The following SLC4A10 variants were observed in gnomAD, a reference collection of about 807,000 sequenced individuals.
SLC4A10 encodes the protein sodium-driven chloride bicarbonate exchanger.
SLC4A10 carries 42 observed loss-of-function variants against 137.7 expected under a neutral mutation model. The observed-to-expected ratio is 0.30, with a 90% CI of 0.24 to 0.39. The LOEUF is 0.39. SLC4A10 is among the 10% of genes least tolerant of loss of function. The probability of loss-of-function intolerance (pLI) is 1.00; values close to 1 mark genes in which losing one functional copy is unlikely to be tolerated. For missense variants in SLC4A10, 925 were observed against 1,355.0 expected, an observed-to-expected ratio of 0.68 and a Z score of 4.98; for synonymous variants, 474 against 464.1, an observed-to-expected ratio of 1.02 and a Z score of -0.27.
At chr2:161,882,489 A>G in intron 10 of SLC4A10, 45 bp downstream of exon 10, 1 of 1,340,094 alleles carries the variant, frequency 7.5e-7, no homozygotes, top group Non-Finnish European at 1.0e-6. Flanking sequence ...CATTAGGTAT[A>G]CCTAAAACTT....
intron 3 of SLC4A10, among the ~76,000 whole-genome samples, chr2:161,808,003 T>G (rs1233358898): frequency 6.6e-6 from 1 of 152,108 alleles, no homozygotes; most frequent in Non-Finnish European, 1.5e-5. Flanking sequence ...CTATTGTTGC[T>G]CTACAGTTAA....
At chr2:161,804,333 C>A in intron 2 of SLC4A10, 116 bp from the exon 3 acceptor site, 2 of 1,151,394 alleles carry the variant, frequency 1.7e-6, no homozygotes, top group Non-Finnish European at 2.4e-6. Flanking sequence ...GTATCATAAA[C>A]ATCAAAAATG....
At chr2:161,904,286 G>A (rs981055602) in intron 13 of SLC4A10, 108 bp downstream of exon 13, 2 of 1,211,152 alleles carry the variant, frequency 1.7e-6, no homozygotes, top group Admixed American at 2.5e-5. Flanking sequence ...AGAGATTTGA[G>A]ATATGGTCTG....
chr2:161,763,762 G>A (rs2050508363), intron 1 of SLC4A10, among the ~76,000 whole-genome samples: 2 of 152,150 alleles, frequency 1.3e-5, no homozygotes, highest in African/African-American at 4.8e-5. Context: ...AAAGAATCTG[G>A]TGATGTAGTT....
chr2:161,635,848 T>G (rs1264350301), intron 1 of SLC4A10, among the ~76,000 whole-genome samples: 1 of 152,138 alleles, frequency 6.6e-6, no homozygotes, highest in Non-Finnish European at 1.5e-5. Context: ...TTTTCTCCCT[T>G]GAAAATTGAT....
chr2:161,975,424 A>T (rs964504070), intron 24 of SLC4A10, among the ~76,000 whole-genome samples: 3 of 152,194 alleles, frequency 2.0e-5, no homozygotes, highest in African/African-American at 4.8e-5. Context: ...ACTGCATTTT[A>T]AAAAATTGTA....
At chr2:161,855,228 T>G in intron 5 of SLC4A10, 98 bp downstream of exon 5, 1 of 1,135,490 alleles carries the variant, frequency 8.8e-7, no homozygotes, top group Non-Finnish European at 1.2e-6. Flanking sequence ...TTTGGAAAAC[T>G]AATTCTCATA....
chr2:161,647,002 A>G (rs2036148214), intron 1 of SLC4A10, among the ~76,000 whole-genome samples: 1 of 152,038 alleles, frequency 6.6e-6, no homozygotes, highest in African/African-American at 2.4e-5. Context: ...CTATTCTTGT[A>G]GCAGTGGCAT....
intron 10 of SLC4A10, among the ~76,000 whole-genome samples, chr2:161,886,698 A>G (rs529902657): frequency 1.4e-4 from 22 of 152,214 alleles, no homozygotes; most frequent in African/African-American, 5.1e-4. Flanking sequence ...TTTATTTTTT[A>G]TACAATTTCT....
intron 1 of SLC4A10, among the ~76,000 whole-genome samples, chr2:161,683,436 A>T (rs2041075704): frequency 6.6e-6 from 1 of 152,154 alleles, no homozygotes. Context: ...AGCCAGCCAA[A>T]GGGACAGCTT....
intron 1 of SLC4A10, among the ~76,000 whole-genome samples, chr2:161,631,935 C>A (rs574638321): frequency 6.6e-6 from 1 of 151,660 alleles, no homozygotes; most frequent in Non-Finnish European, 1.5e-5. Context: ...AGTCCCTGTA[C>A]CAACATCAGC....
At chr2:161,897,205 GC>G (rs2063593873) in intron 11 of SLC4A10, among the ~76,000 whole-genome samples, 1 of 141,344 alleles carries the variant, frequency 7.1e-6, no homozygotes, top group Non-Finnish European at 1.6e-5. Context: ...GAAATATAAA[GC>G]ATTGCTATTT....
chr2:161,789,651 C>T (rs2054002941), intron 2 of SLC4A10, among the ~76,000 whole-genome samples: 1 of 152,096 alleles, frequency 6.6e-6, no homozygotes, highest in South Asian at 2.1e-4. Flanking sequence ...ATTTTATATG[C>T]GATCCATCAT....
chr2:161,762,868 T>C (rs922818829), intron 1 of SLC4A10, among the ~76,000 whole-genome samples: 1 of 152,064 alleles, frequency 6.6e-6, no homozygotes, highest in Non-Finnish European at 1.5e-5. Flanking sequence ...CTTAAAAAAC[T>C]AGCTCTTAGG....
chr2:161,882,341 T>A lies in SLC4A10; in HGVS notation c.1107-16T>A. The A allele has an allele frequency of 6.8e-7, 1 of 1,475,784 alleles. No homozygotes were observed. Among genetic ancestry groups the A allele is most frequent in the Non-Finnish European group, 9.2e-7 (1 of 1,090,662 alleles). The allele number at this position is 1,475,784 out of a possible 1,614,324, so 91.4% of individuals were successfully genotyped here. On this transcript the variant is annotated splice_polypyrimidine_tract_variant and intron_variant, in intron 9 of 26. Coordinates refer to ENST00000446997, the MANE Select transcript of SLC4A10 (RefSeq NM_001178015.2). ...ATATTTCTACCTTAAAACATTTTTT[T>A]TCTTCTTAATTACAGATTTTTGTTC...
At chr2:161,680,501 T>C (rs949935669) in intron 1 of SLC4A10, among the ~76,000 whole-genome samples, 10 of 151,976 alleles carry the variant, frequency 6.6e-5, no homozygotes, top group Non-Finnish European at 8.8e-5. Flanking sequence ...CTAGTTTATG[T>C]CAAAGAATAT....
At chr2:161,956,920 C>T (rs1159172864) in intron 19 of SLC4A10, 69 bp from the exon 20 acceptor site, 29 of 1,463,326 alleles carry the variant, frequency 2.0e-5, no homozygotes, top group East Asian at 9.9e-5. Context: ...GGTTTCTATT[C>T]GCAATCAGGC....
At chr2:161,738,891 A>G (rs1258011331) in intron 1 of SLC4A10, among the ~76,000 whole-genome samples, 1 of 152,198 alleles carries the variant, frequency 6.6e-6, no homozygotes, top group African/African-American at 2.4e-5. Context: ...ATGTAAGTGC[A>G]GAACTATTGG....
At chr2:161,652,972 G>T in intron 1 of SLC4A10, among the ~76,000 whole-genome samples, 1 of 151,992 alleles carries the variant, frequency 6.6e-6, no homozygotes, top group African/African-American at 2.4e-5. Flanking sequence ...ATCTACATTA[G>T]GTATTTCTCC....
Sources: allele counts gnomAD v4.1 joint callset (sites outside exome capture counted in the v4.1 genomes callset), GRCh38; gene constraint gnomAD v4.1.1; transcripts MANE v1.5; gene names NCBI Gene and HGNC (gene_info 2026-07-23, HGNC 2026-07-21).